SOX5: variants seen among roughly 807,000 people sequenced by gnomAD.
SOX5 encodes the protein transcription factor SOX-5.
A neutral mutation model predicts 92.0 loss-of-function variants in SOX5; 9 were observed. The ratio of observed to expected loss-of-function variants is 0.10; its 90% CI spans 0.06 to 0.17. The LOEUF (loss-of-function observed/expected upper bound fraction) is 0.17, where lower values mean the gene tolerates loss of function less well. Ranked by LOEUF, SOX5 falls within the 10% of genes least tolerant of loss-of-function variation. The pLI, the probability that SOX5 is intolerant of heterozygous loss-of-function variation, is 1.00. For missense variants in SOX5, 642 were observed against 944.5 expected, an observed-to-expected ratio of 0.68 and a Z score of 4.20; for synonymous variants, 344 against 336.3, an observed-to-expected ratio of 1.02 and a Z score of -0.25.
At chr12:24,482,711 A>T (rs1349396557) in intron 1 of SOX5, among the ~76,000 whole-genome samples, 1 of 152,208 alleles carries the variant, frequency 6.6e-6, no homozygotes, top group Non-Finnish European at 1.5e-5. Context: ...TCATTTTGTG[A>T]TACTACTTTT....
At chr12:24,225,124 C>G (rs943202495) in intron 3 of SOX5, among the ~76,000 whole-genome samples, 54 of 152,302 alleles carry the variant, frequency 3.5e-4, no homozygotes, top group African/African-American at 1.3e-3. Flanking sequence ...CTACCCAGAT[C>G]AAAAGTATAA....
At position 24,487,432 on chromosome 12, in the gene SOX5, A is replaced by G. The variant is rs143334990; in HGVS notation, c.-251+74897T>C. Among the ~76,000 whole-genome samples, 273 of 152,320 alleles carry G rather than the reference A, an allele frequency of 1.8e-3. 3 individuals carry two copies. Among genetic ancestry groups the G allele is most frequent in the Non-Finnish European group, 1.5e-3 (103 of 68,020 alleles). On this transcript the variant is annotated intron_variant, in intron 1 of 4. Transcript: ENST00000446891. ...CATCAATGCTTCTTTTATAAAAACC[A>G]AAAGGTAAATATCATAAGGGGACTG...
chr12:23,618,603 C>T (rs543442545), intron 8 of SOX5, among the ~76,000 whole-genome samples: 1 of 152,270 alleles, frequency 6.6e-6, no homozygotes, highest in African/African-American at 2.4e-5. Flanking sequence ...TTCTCCATGA[C>T]TACGATATGT....
At chr12:23,840,767 G>A (rs2096503310) in intron 3 of SOX5, among the ~76,000 whole-genome samples, 1 of 152,062 alleles carries the variant, frequency 6.6e-6, no homozygotes, top group Non-Finnish European at 1.5e-5. Context: ...TGGAATAATT[G>A]GACTTCTATA....
chr12:23,912,408 A>G (rs1660428803), intron 1 of SOX5, among the ~76,000 whole-genome samples: 1 of 152,232 alleles, frequency 6.6e-6, no homozygotes, highest in Non-Finnish European at 1.5e-5. Flanking sequence ...TTAGGAATGT[A>G]AAATAGCGCA....
At chr12:24,432,667 C>G (rs1292025474) in intron 1 of SOX5, among the ~76,000 whole-genome samples, 1 of 152,076 alleles carries the variant, frequency 6.6e-6, no homozygotes, top group Non-Finnish European at 1.5e-5. Flanking sequence ...CAAAAATTAG[C>G]TGGGTGTGGT....
intron 4 of SOX5, among the ~76,000 whole-genome samples, chr12:24,024,204 T>A (rs1038726291): frequency 1.4e-4 from 22 of 152,040 alleles, no homozygotes; most frequent in Admixed American, 1.4e-3. Flanking sequence ...AAAAATGGAA[T>A]ACAATGGTCA....
At chr12:24,164,607 A>G (rs1322370605) in intron 4 of SOX5, among the ~76,000 whole-genome samples, 1 of 152,074 alleles carries the variant, frequency 6.6e-6, no homozygotes, top group Non-Finnish European at 1.5e-5. Context: ...ATACCAAATC[A>G]CTATCAATGA....
chr12:24,383,056 T>C (rs1596126613), intron 1 of SOX5, among the ~76,000 whole-genome samples: 1 of 152,134 alleles, frequency 6.6e-6, no homozygotes, highest in African/African-American at 2.4e-5. Flanking sequence ...AAGTGGCAGG[T>C]TCCAAATGAG....
chr12:24,248,145 G>A (rs1054373311), intron 3 of SOX5, among the ~76,000 whole-genome samples: 1 of 152,310 alleles, frequency 6.6e-6, no homozygotes, highest in East Asian at 1.9e-4. Flanking sequence ...TCTATTAAGG[G>A]AGACAGAAAC....
intron 4 of SOX5, among the ~76,000 whole-genome samples, chr12:23,968,130 C>T (rs1947804160): frequency 6.6e-6 from 1 of 152,122 alleles, no homozygotes; most frequent in South Asian, 2.1e-4. Context: ...TACTAGTGTT[C>T]CTAGTAGTTT....
intron 1 of SOX5, among the ~76,000 whole-genome samples, chr12:24,427,171 G>C (rs1166455963): frequency 3.3e-5 from 5 of 152,136 alleles, no homozygotes; most frequent in African/African-American, 1.2e-4. Context: ...ATAGATACTT[G>C]TCAAACCTTA....
chr12:24,515,108 TATTTTAGTAATATAGGA>T (rs1214154420), intron 1 of SOX5, among the ~76,000 whole-genome samples: 2 of 152,252 alleles, frequency 1.3e-5, no homozygotes, highest in Non-Finnish European at 2.9e-5. Context: ...TGTGTCATGT[TATTTTAGTAATATAGGA>T]ATTGACTCAT....
chr12:24,138,708 T>G (rs931238440), intron 4 of SOX5, among the ~76,000 whole-genome samples: 2 of 152,244 alleles, frequency 1.3e-5, no homozygotes, highest in East Asian at 3.8e-4. Flanking sequence ...TTTTACAAAA[T>G]GACCTTCAGT....
intron 4 of SOX5, among the ~76,000 whole-genome samples, chr12:24,056,663 G>C (rs1958136103): frequency 6.6e-6 from 1 of 152,036 alleles, no homozygotes. Flanking sequence ...ATACTTTACA[G>C]AAGGGGGTCA....
intron 4 of SOX5, among the ~76,000 whole-genome samples, chr12:23,967,334 C>T (rs1488245005): frequency 1.3e-5 from 2 of 151,848 alleles, no homozygotes; most frequent in African/African-American, 4.8e-5. Flanking sequence ...AAAAGCTCAA[C>T]TGGTATTTTA....
chr12:23,778,063 T>C (rs1345677784), intron 3 of SOX5, among the ~76,000 whole-genome samples: 1 of 152,214 alleles, frequency 6.6e-6, no homozygotes, highest in African/African-American at 2.4e-5. Context: ...ACTGATCAAA[T>C]GACAAGGGCA....
intron 1 of SOX5, among the ~76,000 whole-genome samples, chr12:24,535,203 T>G (rs1341039301): frequency 1.3e-5 from 2 of 152,226 alleles, no homozygotes; most frequent in Non-Finnish European, 2.9e-5. Flanking sequence ...TTAGCCTATG[T>G]GCTGTGAATA....
intron 8 of SOX5, among the ~76,000 whole-genome samples, chr12:23,623,296 A>T (rs2138161130): frequency 6.6e-6 from 1 of 152,320 alleles, no homozygotes; most frequent in East Asian, 1.9e-4. Flanking sequence ...AATGTATTAG[A>T]TAATTATAAA....
Sources: allele counts gnomAD v4.1 joint callset (sites outside exome capture counted in the v4.1 genomes callset), GRCh38; gene constraint gnomAD v4.1.1; transcripts MANE v1.5; gene names NCBI Gene and HGNC (gene_info 2026-07-23, HGNC 2026-07-21).